PRKD1: variants seen among roughly 807,000 people sequenced by gnomAD.
The protein encoded by PRKD1 is serine/threonine-protein kinase D1.
A neutral mutation model predicts 95.9 loss-of-function variants in PRKD1; 63 were observed. The observed-to-expected ratio is 0.66, with a 90% CI of 0.54 to 0.81. The LOEUF (loss-of-function observed/expected upper bound fraction) is 0.81. PRKD1 is among the 30% of genes least tolerant of loss of function. The pLI is 0.00. For synonymous variants in PRKD1, 425 were observed against 423.1 expected, an observed-to-expected ratio of 1.00 and a Z score of -0.05; for missense variants, 1,048 against 1,165.3, an observed-to-expected ratio of 0.90 and a Z score of 1.47.
At chr14:29,737,048 C>A (rs950024120) in intron 1 of PRKD1, among the ~76,000 whole-genome samples, 2 of 151,998 alleles carry the variant, frequency 1.3e-5, no homozygotes, top group African/African-American at 4.8e-5. Flanking sequence ...CTCGGCCGGG[C>A]GCGGTGGCTC....
chr14:29,586,613 A>T (rs7151204), intron 16 of PRKD1, among the ~76,000 whole-genome samples: 44,692 of 152,036 alleles, frequency 0.29, 8,073 homozygotes, highest in Non-Finnish European at 0.41. Context: ...GTAATGAGGG[A>T]AGTAGTCGTT....
At chr14:29,785,386 A>T (rs1339942954) in intron 1 of PRKD1, among the ~76,000 whole-genome samples, 1 of 152,122 alleles carries the variant, frequency 6.6e-6, no homozygotes, top group Admixed American at 6.6e-5. Flanking sequence ...ACTGGTATGT[A>T]AATATGCTAT....
chr14:29,828,715 G>C (rs1891290912), intron 1 of PRKD1, among the ~76,000 whole-genome samples: 1 of 152,062 alleles, frequency 6.6e-6, no homozygotes, highest in Non-Finnish European at 1.5e-5. Flanking sequence ...AAATCTTAAA[G>C]ATAATCAGAG....
intron 6 of PRKD1, among the ~76,000 whole-genome samples, chr14:29,637,261 G>T (rs1025535325): frequency 1.3e-5 from 2 of 152,098 alleles, no homozygotes; most frequent in Non-Finnish European, 2.9e-5. Context: ...TGAAAATCAC[G>T]AATTCCAATA....
intron 9 of PRKD1, among the ~76,000 whole-genome samples, chr14:29,631,478 T>C (rs1474314318): frequency 6.6e-6 from 1 of 151,640 alleles, no homozygotes; most frequent in Non-Finnish European, 1.5e-5. Context: ...TGAGGACAAC[T>C]AGAGATTGGT....
At chr14:29,752,125 C>G (rs1887503919) in intron 1 of PRKD1, among the ~76,000 whole-genome samples, 1 of 151,978 alleles carries the variant, frequency 6.6e-6, no homozygotes. Context: ...CCTACAGATA[C>G]AAGATGTTAG....
chr14:29,745,323 T>A (rs1201969507), intron 1 of PRKD1, among the ~76,000 whole-genome samples: 1 of 152,184 alleles, frequency 6.6e-6, no homozygotes, highest in African/African-American at 2.4e-5. Flanking sequence ...ACTTTTTCCA[T>A]CCTAGTCACT....
chr14:29,787,124 T>C lies in PRKD1; in HGVS notation c.265-61450A>G, dbSNP rs183683317. On this transcript the variant is annotated intron_variant, in intron 1 of 17. Coordinates refer to ENST00000331968, the MANE Select transcript of PRKD1 (RefSeq NM_002742.3). ...AGGAGAGTGCTATTTAATTCCCATG[T>C]ATTTGTATAGTTTCCAAAGTGCCTC... Among the ~76,000 whole-genome samples, 182 of 152,098 alleles carry C rather than the reference T, an allele frequency of 1.2e-3. 1 individual carries two copies. The highest frequency in any genetic ancestry group is 4.2e-3 in the African/African-American group (176 of 41,526).
At chr14:29,722,848 A>G (rs1288276175) in intron 2 of PRKD1, among the ~76,000 whole-genome samples, 1 of 152,236 alleles carries the variant, frequency 6.6e-6, no homozygotes, top group Non-Finnish European at 1.5e-5. Flanking sequence ...GGTGTAAGAC[A>G]TGAATATAAT....
At chr14:29,866,642 T>G (rs1387472170) in intron 1 of PRKD1, among the ~76,000 whole-genome samples, 1 of 152,130 alleles carries the variant, frequency 6.6e-6, no homozygotes. Flanking sequence ...ATGGGGGCAG[T>G]GCAGAAAGAG....
chr14:29,867,888 T>C (rs1333727160), intron 1 of PRKD1, among the ~76,000 whole-genome samples: 3 of 152,202 alleles, frequency 2.0e-5, no homozygotes, highest in Non-Finnish European at 1.5e-5. Flanking sequence ...TGTTTTAAAC[T>C]ATAAAGAATC....
intron 1 of PRKD1, among the ~76,000 whole-genome samples, chr14:29,841,147 G>C (rs539472557): frequency 3.3e-5 from 5 of 152,198 alleles, no homozygotes; most frequent in African/African-American, 4.8e-5. Flanking sequence ...TTGTATCAAC[G>C]AAGTAACTAA....
At chr14:29,606,817 C>T (rs1751652143) in intron 13 of PRKD1, among the ~76,000 whole-genome samples, 1 of 152,116 alleles carries the variant, frequency 6.6e-6, no homozygotes, top group South Asian at 2.1e-4. Context: ...TCTTTCAACT[C>T]CTCTTATTTT....
chr14:29,925,864 G>A (rs1392045276), intron 1 of PRKD1, among the ~76,000 whole-genome samples: 1 of 152,192 alleles, frequency 6.6e-6, no homozygotes, highest in Non-Finnish European at 1.5e-5. Context: ...TCCAAATGGA[G>A]AGGATTGTAT....
At position 29,586,347 on chromosome 14, in the gene PRKD1, A is replaced by G. The variant is rs140271770; in HGVS notation, c.2435-7987T>C. Among the ~76,000 whole-genome samples the G allele has an allele frequency of 1.4e-4, 21 of 152,332 alleles. No individual in the cohort carries two copies. In the East Asian group the frequency reaches 3.5e-3, roughly 25 times the overall value. ...TTGGATTACACAAATAATTTCCCAA[A>G]TAACTACAGACTGGAGCAATGGGCC... On this transcript the variant is annotated intron_variant, in intron 16 of 17. Coordinates refer to ENST00000331968, the MANE Select transcript of PRKD1 (RefSeq NM_002742.3).
intron 13 of PRKD1, among the ~76,000 whole-genome samples, chr14:29,604,503 G>T (rs894432476): frequency 2.6e-5 from 4 of 152,080 alleles, no homozygotes; most frequent in African/African-American, 7.2e-5. Flanking sequence ...AATTCTAAAT[G>T]GTATGCAGAT....
chr14:29,896,011 C>G (rs1250487644), intron 1 of PRKD1, among the ~76,000 whole-genome samples: 1 of 152,128 alleles, frequency 6.6e-6, no homozygotes, highest in Non-Finnish European at 1.5e-5. Flanking sequence ...TTCAAGAGAG[C>G]AGGGATTTTG....
At chr14:29,643,934 G>C (rs1427573361) in intron 4 of PRKD1, among the ~76,000 whole-genome samples, 1 of 152,144 alleles carries the variant, frequency 6.6e-6, no homozygotes, top group African/African-American at 2.4e-5. Context: ...AACTCCCTTT[G>C]AGTTAAAGAG....
intron 2 of PRKD1, among the ~76,000 whole-genome samples, chr14:29,701,531 T>C (rs1386576879): frequency 2.6e-5 from 4 of 152,370 alleles, no homozygotes; most frequent in African/African-American, 4.8e-5. Context: ...ATTTGGTTAT[T>C]TGCAATTCAG....
Sources: gnomAD v4.1 joint callset for allele counts (sites outside exome capture counted in the v4.1 genomes callset) on GRCh38, gnomAD v4.1.1 for gene constraint, MANE v1.5 for transcripts, NCBI Gene and HGNC (gene_info 2026-07-23, HGNC 2026-07-21) for gene names.